Variants in KLF12 observed in about 807,000 individuals in gnomAD.
The protein encoded by KLF12 is KLF transcription factor 12, also known as Krueppel-like factor 12.
A neutral mutation model predicts 37.8 loss-of-function variants in KLF12; 9 were observed. That is an observed-to-expected ratio of 0.24 (90% CI 0.14 to 0.42). The LOEUF (loss-of-function observed/expected upper bound fraction) is 0.42, where lower values mean the gene tolerates loss of function less well. Ranked by LOEUF, KLF12 falls within the 10% of genes least tolerant of loss-of-function variation. KLF12 has a pLI of 1.00. For missense variants in KLF12, 411 were observed against 516.0 expected (o/e 0.80, Z 1.97); for synonymous variants, 208 against 202.1 (o/e 1.03, Z -0.25).
chr13:74,290,689 A>G, the KLF12 span, among the ~76,000 whole-genome samples: 1 of 152,142 alleles, frequency 6.6e-6, no homozygotes, highest in Non-Finnish European at 1.5e-5. Flanking sequence ...ACTTCTGGAG[A>G]GTTTTAGGCA....
intron 3 of KLF12, among the ~76,000 whole-genome samples, chr13:73,894,376 C>G (rs1311189417): frequency 6.6e-6 from 1 of 152,160 alleles, no homozygotes; most frequent in Non-Finnish European, 1.5e-5. Context: ...AGAGTGTCAT[C>G]TTTTGAGCCT....
the KLF12 span, among the ~76,000 whole-genome samples, chr13:74,161,481 C>T: frequency 6.6e-6 from 1 of 152,054 alleles, no homozygotes; most frequent in Non-Finnish European, 1.5e-5. Context: ...TGATGCAGCT[C>T]CAAGCCAAGG....
At chr13:74,231,094 A>T in the KLF12 span, among the ~76,000 whole-genome samples, 1 of 151,164 alleles carries the variant, frequency 6.6e-6, no homozygotes. Context: ...CTCTGCTTGC[A>T]TCGTCATCTG....
rs1261902813 is a variant in KLF12 at position 74,133,892 on chromosome 13, GC to G, written c.-186del. On this transcript the variant is annotated 5_prime_UTR_variant, in exon 1 of 8. Coordinates refer to ENST00000377669, the MANE Select transcript of KLF12 (RefSeq NM_007249.5). Reference sequence around the variant, plus strand: ...TCACCCGCGCACACGCACACGCAGAGCCTCTCAGCGGCTCTCTGCAGTTCTC... The same window carrying G: ...TCACCCGCGCACACGCACACGCAGAGCTCTCAGCGGCTCTCTGCAGTTCTC... Among the ~76,000 whole-genome samples the G allele has an allele frequency of 2.6e-5, 4 of 151,908 alleles. No individual in the cohort carries two copies. In the East Asian group the frequency reaches 7.7e-4, roughly 29 times the overall value.
At chr13:74,301,131 T>G in the KLF12 span, among the ~76,000 whole-genome samples, 3 of 152,160 alleles carry the variant, frequency 2.0e-5, no homozygotes, top group East Asian at 3.9e-4. Context: ...TCACCTACCT[T>G]TTATTTTATT....
At chr13:74,299,984 TC>T in the KLF12 span, among the ~76,000 whole-genome samples, 1 of 151,994 alleles carries the variant, frequency 6.6e-6, no homozygotes, top group African/African-American at 2.4e-5. Flanking sequence ...CTTCTCTTTT[TC>T]CCAGCCTGGG....
At chr13:73,709,240 G>C (rs758776599) in intron 7 of KLF12, among the ~76,000 whole-genome samples, 43 of 152,220 alleles carry the variant, frequency 2.8e-4, no homozygotes, top group Non-Finnish European at 5.1e-4. Flanking sequence ...TAAATAAAAA[G>C]ATGACTGATC....
At chr13:74,266,509 C>T in the KLF12 span, among the ~76,000 whole-genome samples, 2 of 152,118 alleles carry the variant, frequency 1.3e-5, no homozygotes, top group Non-Finnish European at 1.5e-5. Context: ...TGGTTCCAAG[C>T]CAATCTTAAA....
chr13:74,284,305 G>T, the KLF12 span, among the ~76,000 whole-genome samples: 4 of 152,138 alleles, frequency 2.6e-5, no homozygotes, highest in Non-Finnish European at 4.4e-5. Context: ...TGAATGCCAG[G>T]TGAAAAATCA....
the KLF12 span, among the ~76,000 whole-genome samples, chr13:74,278,639 C>T: frequency 6.6e-6 from 1 of 152,140 alleles, no homozygotes; most frequent in Non-Finnish European, 1.5e-5. Context: ...GACCACATTG[C>T]GCTCCAATAG....
chr13:74,078,417 CT>C (rs1315047230), intron 1 of KLF12, among the ~76,000 whole-genome samples: 1 of 152,160 alleles, frequency 6.6e-6, no homozygotes, highest in Non-Finnish European at 1.5e-5. Flanking sequence ...AAGACACGTG[CT>C]TGTGGAAATG....
the KLF12 span, among the ~76,000 whole-genome samples, chr13:74,223,726 A>G: frequency 1.3e-5 from 2 of 152,292 alleles, no homozygotes; most frequent in East Asian, 3.9e-4. Context: ...GATCAATATC[A>G]GTAATTTTCC....
intron 1 of KLF12, among the ~76,000 whole-genome samples, chr13:74,115,628 C>T (rs370201759): frequency 6.6e-6 from 1 of 151,550 alleles, no homozygotes; most frequent in South Asian, 2.1e-4. Context: ...TCACTTGAAC[C>T]TGGGGGACAG....
the KLF12 span, among the ~76,000 whole-genome samples, chr13:74,143,014 C>T: frequency 4.0e-5 from 6 of 148,818 alleles, no homozygotes; most frequent in East Asian, 1.2e-3. Flanking sequence ...TTCCTTCCTT[C>T]CCTCCCTCCC....
the KLF12 span, among the ~76,000 whole-genome samples, chr13:74,163,245 GA>G: frequency 3.9e-5 from 6 of 152,118 alleles, no homozygotes; most frequent in African/African-American, 1.4e-4. Flanking sequence ...ACACCCAAAA[GA>G]AAGAAAATCA....
At chr13:73,975,636 C>T (rs113735820) in intron 2 of KLF12, among the ~76,000 whole-genome samples, 5 of 152,292 alleles carry the variant, frequency 3.3e-5, no homozygotes, top group African/African-American at 1.2e-4. Flanking sequence ...CACAAACACA[C>T]CTTCTTAGGT....
the KLF12 span, among the ~76,000 whole-genome samples, chr13:74,250,245 C>T: frequency 6.6e-6 from 1 of 152,162 alleles, no homozygotes; most frequent in Non-Finnish European, 1.5e-5. Context: ...GTTCTACACA[C>T]AGAGAGCTAT....
At chr13:74,261,252 G>A in the KLF12 span, among the ~76,000 whole-genome samples, 1 of 152,168 alleles carries the variant, frequency 6.6e-6, no homozygotes, top group Non-Finnish European at 1.5e-5. Context: ...TCCGAAATGT[G>A]TTGTGTTTCC....
chr13:74,068,029 C>A (rs1306949347), intron 1 of KLF12, among the ~76,000 whole-genome samples: 2 of 152,218 alleles, frequency 1.3e-5, no homozygotes, highest in Non-Finnish European at 2.9e-5. Context: ...CTGACTGATG[C>A]ACCTGGAATG....
Sources: allele counts gnomAD v4.1 joint callset (sites outside exome capture counted in the v4.1 genomes callset), GRCh38; gene constraint gnomAD v4.1.1; transcripts MANE v1.5; gene names NCBI Gene and HGNC (gene_info 2026-07-23, HGNC 2026-07-21).